Variants in PMM2 observed in about 807,000 individuals in gnomAD.
The protein encoded by PMM2 is phosphomannomutase 2.
A neutral mutation model predicts 33.2 loss-of-function variants in PMM2; 35 were observed. That is an observed-to-expected ratio of 1.06 (90% CI 0.81 to 1.40). The LOEUF is 1.40. Ranked by LOEUF, PMM2 falls within the 40% of genes most tolerant of loss-of-function variation. The pLI is 0.00. For synonymous variants in PMM2, 153 were observed against 114.7 expected, an observed-to-expected ratio of 1.33 and a Z score of -2.13; for missense variants, 386 against 306.0, an observed-to-expected ratio of 1.26 and a Z score of -1.95.
chr16:8,847,700 CATCT>C lies in PMM2; in HGVS notation c.640-23_640-20del, dbSNP rs776912472. The C allele has an allele frequency of 1.3e-6, 2 of 1,558,026 alleles. No homozygotes were observed. Among genetic ancestry groups the C allele is most frequent in the Non-Finnish European group, 1.8e-6 (2 of 1,128,978 alleles). ...CCCGGGACAGACGAGGGGGAGCCTTCATCTGTACTTCGTGTCTTTCCAGGGTGGC... is the reference window on the plus strand; with the variant it reads ...CCCGGGACAGACGAGGGGGAGCCTTCGTACTTCGTGTCTTTCCAGGGTGGC... On this transcript the variant is annotated intron_variant, in intron 7 of 7. Transcript: ENST00000268261.
At position 8,816,608 on chromosome 16, in the gene PMM2, G is replaced by A. The variant is rs537372186; in HGVS notation, c.639+3502G>A. On this transcript the variant is annotated intron_variant, in intron 7 of 7. Coordinates refer to ENST00000268261, the MANE Select transcript of PMM2 (RefSeq NM_000303.3). ...AATACAAAATTAGCTGGGCATGGTG[G>A]TGCACACCTGTCATCCCAGCTACTT... Among the ~76,000 whole-genome samples, 12 of 152,142 alleles carry A rather than the reference G, an allele frequency of 7.9e-5. No individual in the cohort carries two copies. The South Asian group carries it at 2.5e-3, about 32-fold the overall frequency.
intron 1 of PMM2, among the ~76,000 whole-genome samples, chr16:8,798,463 C>T (rs1436674458): frequency 1.3e-5 from 2 of 152,146 alleles, no homozygotes; most frequent in Non-Finnish European, 2.9e-5. Context: ...GGGGATGTTA[C>T]CTGTTCCATA....
At chr16:8,839,196 G>A (rs1421406123) in intron 7 of PMM2, among the ~76,000 whole-genome samples, 1 of 151,984 alleles carries the variant, frequency 6.6e-6, no homozygotes, top group Non-Finnish European at 1.5e-5. Context: ...GGAGCTCTTC[G>A]TTCCTATTTG....
intron 7 of PMM2, chr16:8,832,330 C>CA: frequency 1.0e-6 from 1 of 985,420 alleles, no homozygotes; most frequent in Non-Finnish European, 1.2e-6. Flanking sequence ...CAGAGAGGCT[C>CA]CTGCAGCCAG....
rs992193257 is a variant in PMM2, at chr16:8,836,172, T to C, written c.640-11552T>C. 5.3e-5 allele frequency among the ~76,000 whole-genome samples: 8 copies of C among 151,610 alleles called. 1 individual carries two copies. Among genetic ancestry groups the C allele is most frequent in the Admixed American group, 1.3e-4 (2 of 15,222 alleles). On this transcript the variant is annotated intron_variant, in intron 7 of 7. Transcript: ENST00000268261. ...AGAAGGTAATGTGGAGTGGGTAGCC[T>C]CCGTATTGATTAAGAAGGGGATGGA...
intron 7 of PMM2, chr16:8,833,053 C>A: frequency 3.4e-6 from 1 of 297,010 alleles, no homozygotes; most frequent in Non-Finnish European, 5.0e-6. Flanking sequence ...TCGTGCGCGT[C>A]CGTGTGAAGA....
rs2060637445 is a variant in PMM2, at chr16:8,804,803, G to A, written c.215G>A (p.Gly72Asp). The part of the protein sequence containing the change: ...EKYDYVFPEN[G>D]LVAYKDGKLL... ...TACGATTATGTGTTTCCAGAAAATGGCTTGGTAGCATACAAAGATGGGAAA... is the reference window on the plus strand; with the variant it reads ...TACGATTATGTGTTTCCAGAAAATGACTTGGTAGCATACAAAGATGGGAAA... Residue 72 changes from glycine to aspartate, a missense_variant, in exon 3 of 8, where the codon GGC becomes GAC. Physicochemically the swap from Gly to Asp is moderately conservative, Grantham distance 94. Coordinates refer to ENST00000268261, the MANE Select transcript of PMM2 (RefSeq NM_000303.3). 1 of 1,613,276 alleles carries A rather than the reference G, an allele frequency of 6.2e-7. No individual in the cohort carries two copies. Among genetic ancestry groups the A allele is most frequent in the Non-Finnish European group, 8.5e-7 (1 of 1,179,392 alleles).
intron 1 of PMM2, 139 bp from the exon 2 acceptor site, chr16:8,801,660 G>T: frequency 1.9e-6 from 1 of 530,138 alleles, no homozygotes; most frequent in Non-Finnish European, 3.4e-6. Flanking sequence ...TGACAAGTGA[G>T]ACCCTATCTC....
intron 7 of PMM2, among the ~76,000 whole-genome samples, chr16:8,821,733 C>T (rs867203732): frequency 6.6e-6 from 1 of 152,242 alleles, no homozygotes; most frequent in Non-Finnish European, 1.5e-5. Context: ...CACCCTCGCC[C>T]CCAAGCCAAG....
intron 7 of PMM2, among the ~76,000 whole-genome samples, chr16:8,829,584 C>T (rs1290096576): frequency 6.6e-6 from 1 of 152,208 alleles, no homozygotes; most frequent in Non-Finnish European, 1.5e-5. Flanking sequence ...CTCACACTTG[C>T]TCCCGTTGGT....
In PMM2 at chr16:8,806,400, A is replaced by G. The variant is rs781131678; in HGVS notation, c.340A>G (p.Lys114Glu). Reference sequence around the variant, plus strand: ...CTACATTGCGAAAATTAAACTCCCGAAGAAGAGGTGGGTTTGCTTTTAACA... The same window carrying G: ...CTACATTGCGAAAATTAAACTCCCGGAGAAGAGGTGGGTTTGCTTTTAACA... ...LSYIAKIKLP[K>E]KRGTFIEFRN... The change falls in exon 4 of 8, where the codon AAG becomes GAG. Residue 114 changes from lysine (K) to glutamate (E), a missense_variant. Lys to Glu is a moderately conservative substitution (Grantham distance 56). Transcript: ENST00000268261. 3 of 1,609,414 alleles carry G rather than the reference A, an allele frequency of 1.9e-6. No individual in the cohort carries two copies. The highest frequency in any genetic ancestry group is 1.7e-5 in the Admixed American group (1 of 60,028).
At chr16:8,824,999 G>T (rs762001918) in intron 7 of PMM2, among the ~76,000 whole-genome samples, 1 of 152,004 alleles carries the variant, frequency 6.6e-6, no homozygotes, top group Non-Finnish European at 1.5e-5. Context: ...ATTTTATCTC[G>T]CATTAGTGCA....
intron 7 of PMM2, among the ~76,000 whole-genome samples, chr16:8,826,135 T>C (rs1029493134): frequency 3.9e-5 from 6 of 152,152 alleles, no homozygotes; most frequent in Non-Finnish European, 8.8e-5. Flanking sequence ...ATGGAAAAAA[T>C]TAAATAATAC....
At chr16:8,813,499 A>C (rs752616561) in intron 7 of PMM2, among the ~76,000 whole-genome samples, 1 of 152,236 alleles carries the variant, frequency 6.6e-6, no homozygotes, top group Admixed American at 6.5e-5. Flanking sequence ...GTTGAACACG[A>C]GGGGCCATGA....
rs946444045 is a variant in PMM2, at chr16:8,829,545, G to A, written c.639+16439G>A. On this transcript the variant is annotated intron_variant, in intron 7 of 7. Transcript: ENST00000268261. ...TACACATGACAAAACTAGTCACTAT[G>A]CTCAGTGCCCAGCATCAACTTGGCA... Among the ~76,000 whole-genome samples, 5 of 152,326 alleles carry A rather than the reference G, an allele frequency of 3.3e-5. No individual in the cohort carries two copies. The East Asian group carries it at 9.7e-4, about 29-fold the overall frequency.
At chr16:8,805,455 G>C (rs986023725) in intron 3 of PMM2, among the ~76,000 whole-genome samples, 49 of 151,872 alleles carry the variant, frequency 3.2e-4, no homozygotes, top group African/African-American at 1.1e-3. Context: ...AGAACTCCTG[G>C]GCACAGGTGA....
intron 7 of PMM2, among the ~76,000 whole-genome samples, chr16:8,830,462 G>A (rs2060803225): frequency 6.6e-6 from 1 of 152,192 alleles, no homozygotes; most frequent in South Asian, 2.1e-4. Flanking sequence ...AACTTGGTGG[G>A]TAGGGGCTCT....
chr16:8,807,253 C>T (rs1200874892), intron 4 of PMM2, among the ~76,000 whole-genome samples: 3 of 151,888 alleles, frequency 2.0e-5, no homozygotes, highest in Non-Finnish European at 4.4e-5. Flanking sequence ...CTGATCCACC[C>T]ACCTTGGCCT....
At chr16:8,814,593 AAT>A (rs1267536218) in intron 7 of PMM2, among the ~76,000 whole-genome samples, 1 of 152,158 alleles carries the variant, frequency 6.6e-6, no homozygotes, top group Non-Finnish European at 1.5e-5. Flanking sequence ...TTATTTTCAG[AAT>A]GATAAAACTG....
Sources: gnomAD v4.1 joint callset for allele counts (sites outside exome capture counted in the v4.1 genomes callset) on GRCh38, gnomAD v4.1.1 for gene constraint, MANE v1.5 for transcripts, NCBI Gene and HGNC (gene_info 2026-07-23, HGNC 2026-07-21) for gene names.